C12orf42: variants seen among roughly 807,000 people sequenced by gnomAD.
C12orf42 encodes the protein uncharacterized protein C12orf42.
Under a neutral mutation model 21.6 loss-of-function variants are expected in C12orf42, and 25 were observed. That is an observed-to-expected ratio of 1.16 (90% CI 0.84 to 1.62). The LOEUF is 1.62. C12orf42 is among the 40% of genes most tolerant of loss of function. The pLI is 0.00. For missense variants in C12orf42, 483 were observed against 459.3 expected (o/e 1.05, Z -0.47); for synonymous variants, 174 against 175.0 (o/e 0.99, Z 0.05).
At chr12:103,308,144 C>A (rs1426638760) in intron 4 of C12orf42, among the ~76,000 whole-genome samples, 1 of 152,038 alleles carries the variant, frequency 6.6e-6, no homozygotes, top group Non-Finnish European at 1.5e-5. Context: ...AATATTCTAA[C>A]TATTAATAGT....
At chr12:103,361,967 G>A (rs1043609865) in intron 4 of C12orf42, among the ~76,000 whole-genome samples, 6 of 152,076 alleles carry the variant, frequency 3.9e-5, no homozygotes, top group Admixed American at 2.0e-4. Flanking sequence ...GAGTTCTAGA[G>A]CCCCCACCTA....
At chr12:103,127,588 T>C in the C12orf42 span, among the ~76,000 whole-genome samples, 1 of 152,150 alleles carries the variant, frequency 6.6e-6, no homozygotes, top group South Asian at 2.1e-4. Flanking sequence ...CCCAGGGCAA[T>C]TTAGCTCTTC....
intron 2 of C12orf42, among the ~76,000 whole-genome samples, chr12:103,455,841 T>C (rs1182286528): frequency 6.6e-6 from 1 of 152,162 alleles, no homozygotes; most frequent in Non-Finnish European, 1.5e-5. Context: ...AATATTCCTT[T>C]TTGCTCTACC....
chr12:103,394,350 G>A (rs771856639), intron 3 of C12orf42, among the ~76,000 whole-genome samples: 3 of 152,256 alleles, frequency 2.0e-5, no homozygotes, highest in Non-Finnish European at 2.9e-5. Context: ...TCTTTTCTAG[G>A]CCACAGGTTG....
the C12orf42 span, among the ~76,000 whole-genome samples, chr12:103,129,902 C>T: frequency 2.0e-5 from 3 of 152,154 alleles, no homozygotes; most frequent in African/African-American, 2.4e-5. Context: ...CTCTGTCTTC[C>T]ATATGTGTGT....
At chr12:103,088,511 T>C in the C12orf42 span, among the ~76,000 whole-genome samples, 1 of 152,212 alleles carries the variant, frequency 6.6e-6, no homozygotes, top group African/African-American at 2.4e-5. Context: ...GTCACCTCTT[T>C]CCTCTTCCCA....
the C12orf42 span, among the ~76,000 whole-genome samples, chr12:103,069,024 G>A: frequency 8.1e-6 from 1 of 123,150 alleles, no homozygotes; most frequent in Admixed American, 9.6e-5. Context: ...AGAGAACCCT[G>A]ACTAATACAT....
intron 2 of C12orf42, among the ~76,000 whole-genome samples, chr12:103,418,308 G>A (rs926944160): frequency 1.9e-4 from 29 of 152,086 alleles, no homozygotes; most frequent in Admixed American, 9.2e-4. Flanking sequence ...CAGGCATGCC[G>A]TCTTCTAGAT....
chr12:103,428,083 A>G (rs1217743884), intron 2 of C12orf42, among the ~76,000 whole-genome samples: 2 of 152,230 alleles, frequency 1.3e-5, no homozygotes, highest in Non-Finnish European at 2.9e-5. Context: ...GCAAGAGCAA[A>G]CAAATTCAAA....
At chr12:103,378,187 G>A (rs1263089021) in intron 3 of C12orf42, among the ~76,000 whole-genome samples, 1 of 152,150 alleles carries the variant, frequency 6.6e-6, no homozygotes, top group Non-Finnish European at 1.5e-5. Flanking sequence ...ATACCATTCA[G>A]AGGCTCTGTT....
the C12orf42 span, among the ~76,000 whole-genome samples, chr12:103,071,662 G>A: frequency 6.6e-6 from 1 of 152,212 alleles, no homozygotes; most frequent in East Asian, 1.9e-4. Context: ...CCCTGAATAA[G>A]CTCTCCTGCT....
intron 4 of C12orf42, among the ~76,000 whole-genome samples, chr12:103,359,184 TC>T (rs1376035709): frequency 6.6e-6 from 1 of 152,018 alleles, no homozygotes; most frequent in Non-Finnish European, 1.5e-5. Flanking sequence ...CATTCAATAA[TC>T]TTTTTTTTTA....
the C12orf42 span, among the ~76,000 whole-genome samples, chr12:103,140,829 G>GAC: frequency 6.6e-6 from 1 of 151,806 alleles, no homozygotes; most frequent in South Asian, 2.1e-4. Flanking sequence ...GTGATTGGGA[G>GAC]ACACACACAC....
chr12:103,074,217 T>C, the C12orf42 span, among the ~76,000 whole-genome samples: 1 of 152,208 alleles, frequency 6.6e-6, no homozygotes, highest in Non-Finnish European at 1.5e-5. Flanking sequence ...AAAAATCTTA[T>C]GTCAGGAAGA....
the C12orf42 span, among the ~76,000 whole-genome samples, chr12:103,166,434 T>C: frequency 6.6e-6 from 1 of 152,200 alleles, no homozygotes; most frequent in African/African-American, 2.4e-5. Context: ...TTTTATTTTA[T>C]TCCACTTGAT....
At chr12:103,450,844 G>A (rs1326093764) in intron 2 of C12orf42, among the ~76,000 whole-genome samples, 1 of 152,132 alleles carries the variant, frequency 6.6e-6, no homozygotes, top group African/African-American at 2.4e-5. Flanking sequence ...CCTGCTTTCA[G>A]TCCATAGAAA....
intron 2 of C12orf42, among the ~76,000 whole-genome samples, chr12:103,415,938 C>A (rs2049277591): frequency 6.6e-6 from 1 of 152,070 alleles, no homozygotes; most frequent in Non-Finnish European, 1.5e-5. Flanking sequence ...GAAGAAAAAA[C>A]TCTCTGCCTT....
intron 3 of C12orf42, among the ~76,000 whole-genome samples, chr12:103,393,849 C>T (rs2047283497): frequency 6.6e-6 from 1 of 152,184 alleles, no homozygotes; most frequent in African/African-American, 2.4e-5. Flanking sequence ...CCTGTGATTT[C>T]ACCTCTGAAA....
chr12:103,153,444 T>C, the C12orf42 span, among the ~76,000 whole-genome samples: 2 of 152,200 alleles, frequency 1.3e-5, no homozygotes, highest in Non-Finnish European at 2.9e-5. Context: ...AAATAACTCA[T>C]ATTCTAAACT....
Sources: gnomAD v4.1 joint callset for allele counts (sites outside exome capture counted in the v4.1 genomes callset) on GRCh38, gnomAD v4.1.1 for gene constraint, MANE v1.5 for transcripts, NCBI Gene and HGNC (gene_info 2026-07-23, HGNC 2026-07-21) for gene names.